PRICKLE2: variants seen among roughly 807,000 people sequenced by gnomAD.
The protein encoded by PRICKLE2 is prickle-like protein 2.
Under a neutral mutation model 81.4 loss-of-function variants are expected in PRICKLE2, and 21 were observed. That is an observed-to-expected ratio of 0.26 (90% confidence interval 0.18 to 0.37). The LOEUF (loss-of-function observed/expected upper bound fraction) is 0.37, where lower values mean the gene tolerates loss of function less well. Among genes scored for constraint, PRICKLE2 ranks in the 10% least tolerant of loss-of-function variants. The pLI is 1.00. For synonymous variants in PRICKLE2, 456 were observed against 421.5 expected (o/e 1.08, Z -1.00); for missense variants, 940 against 1,109.0 (o/e 0.85, Z 2.16).
chr3:64,101,360 A>G, intron 7 of PRICKLE2: 1 of 152,204 alleles, frequency 6.6e-6, no homozygotes, highest in East Asian at 1.9e-4. Flanking sequence ...TCCCCACTAA[A>G]AGGAATCCAG....
At chr3:64,151,440 G>A (rs2107023487) in intron 6 of PRICKLE2, among the ~76,000 whole-genome samples, 1 of 152,200 alleles carries the variant, frequency 6.6e-6, no homozygotes, top group African/African-American at 2.4e-5. Context: ...AAAACCGAGG[G>A]GCCATCTGAG....
intron 2 of PRICKLE2, among the ~76,000 whole-genome samples, chr3:64,185,391 T>C (rs776999927): frequency 2.0e-5 from 3 of 152,206 alleles, no homozygotes; most frequent in South Asian, 4.1e-4. Flanking sequence ...AGCTAGATTA[T>C]CTGATAAAAG....
At chr3:64,228,700 G>A (rs1465517575), upstream of PRICKLE2, among the ~76,000 whole-genome samples, 1 of 152,076 alleles carries the variant, frequency 6.6e-6, no homozygotes. Flanking sequence ...GTAAAGGCAG[G>A]GAAGAACAGG....
chr3:64,142,746 G>A (rs556133881), intron 7 of PRICKLE2, among the ~76,000 whole-genome samples: 59 of 152,274 alleles, frequency 3.9e-4, no homozygotes, highest in African/African-American at 1.2e-3. Context: ...ATAAAAAGTC[G>A]CAGGTAACCA....
chr3:64,154,821 C>G (rs985796425), intron 5 of PRICKLE2: 2 of 151,996 alleles, frequency 1.3e-5, no homozygotes, highest in African/African-American at 2.4e-5. Flanking sequence ...GACTAGTATA[C>G]AGAATATATA....
At chr3:64,100,182 C>T in intron 7 of PRICKLE2, 2 of 528,648 alleles carry the variant, frequency 3.8e-6, no homozygotes, top group East Asian at 3.2e-5. Context: ...CCTCCAAAGG[C>T]TCATCAAAGT....
chr3:64,124,830 T>A (rs979484783), intron 7 of PRICKLE2, among the ~76,000 whole-genome samples: 21 of 152,214 alleles, frequency 1.4e-4, no homozygotes, highest in Non-Finnish European at 1.5e-5. Flanking sequence ...TGTACAAGAA[T>A]ATGAATGTTG....
intron 2 of PRICKLE2, among the ~76,000 whole-genome samples, chr3:64,182,356 G>A (rs570850356): frequency 6.4e-4 from 97 of 152,134 alleles, no homozygotes; most frequent in African/African-American, 2.1e-3. Flanking sequence ...GAGTGGTTGT[G>A]CGCATCTACA....
chr3:64,252,422 G>A (rs187434195), intron 2 of PRICKLE2, among the ~76,000 whole-genome samples: 1 of 152,278 alleles, frequency 6.6e-6, no homozygotes, highest in East Asian at 1.9e-4. Context: ...TGAACTGTTG[G>A]AGAAAATTGA....
At chr3:64,108,774 C>T (rs1287204720) in intron 7 of PRICKLE2, among the ~76,000 whole-genome samples, 2 of 152,112 alleles carry the variant, frequency 1.3e-5, no homozygotes, top group Admixed American at 6.5e-5. Context: ...GCTTCTACTC[C>T]AGGAAACAAG....
intron 2 of PRICKLE2, among the ~76,000 whole-genome samples, chr3:64,265,428 A>G (rs934850898): frequency 6.6e-6 from 1 of 152,180 alleles, no homozygotes; most frequent in Non-Finnish European, 1.5e-5. Flanking sequence ...GTTTATATTC[A>G]CCTAGCGCTC....
intron 2 of PRICKLE2, among the ~76,000 whole-genome samples, chr3:64,254,084 A>G (rs958536890): frequency 1.3e-5 from 2 of 152,226 alleles, no homozygotes; most frequent in Admixed American, 6.5e-5. Context: ...TTGGTGGTAG[A>G]CAGCTGCATT....
chr3:64,108,608 T>C (rs946060677), intron 7 of PRICKLE2, among the ~76,000 whole-genome samples: 4 of 152,122 alleles, frequency 2.6e-5, no homozygotes, highest in African/African-American at 9.7e-5. Flanking sequence ...ATGCCATCCC[T>C]TGGGAGCTGG....
At chr3:64,247,802 ATTAAT>A (rs1335046120) in intron 2 of PRICKLE2, among the ~76,000 whole-genome samples, 2 of 152,218 alleles carry the variant, frequency 1.3e-5, no homozygotes, top group African/African-American at 4.8e-5. Flanking sequence ...TAGTAAAGAA[ATTAAT>A]TTAATTAGGA....
intron 6 of PRICKLE2, among the ~76,000 whole-genome samples, chr3:64,149,353 AC>A (rs1347436344): frequency 1.3e-5 from 2 of 152,220 alleles, no homozygotes; most frequent in African/African-American, 4.8e-5. Context: ...AGTGACCTGC[AC>A]TAAGCCAACA....
At chr3:64,234,351 C>T (rs1180854242) in intron 2 of PRICKLE2, among the ~76,000 whole-genome samples, 1 of 152,074 alleles carries the variant, frequency 6.6e-6, no homozygotes, top group Admixed American at 6.5e-5. Context: ...TTATAGTCAT[C>T]CTAGTGGGTA....
chr3:64,267,595 A>G (rs1378684518), intron 2 of PRICKLE2, among the ~76,000 whole-genome samples: 1 of 151,010 alleles, frequency 6.6e-6, no homozygotes, highest in African/African-American at 2.4e-5. Flanking sequence ...AAGTCCAGGG[A>G]TGTTTTCATG....
intron 2 of PRICKLE2, among the ~76,000 whole-genome samples, chr3:64,195,387 C>G (rs534553534): frequency 6.6e-6 from 1 of 152,250 alleles, no homozygotes; most frequent in Non-Finnish European, 1.5e-5. Context: ...AGGCATTTCT[C>G]AGGAGAAATA....
intron 2 of PRICKLE2, among the ~76,000 whole-genome samples, chr3:64,258,894 A>AAATC (rs1485472019): frequency 7.2e-6 from 1 of 139,640 alleles, no homozygotes; most frequent in African/African-American, 3.0e-5. Flanking sequence ...AGAAAGAAAG[A>AAATC]AATCAGGAGA....
Sources: allele counts gnomAD v4.1 joint callset (sites outside exome capture counted in the v4.1 genomes callset), GRCh38; gene constraint gnomAD v4.1.1; transcripts MANE v1.5; gene names NCBI Gene and HGNC (gene_info 2026-07-23, HGNC 2026-07-21).